Variants in CHCHD6 observed in about 807,000 individuals in gnomAD.
CHCHD6 encodes the protein coiled-coil-helix-coiled-coil-helix domain containing 6.
Under a neutral mutation model 32.3 loss-of-function variants are expected in CHCHD6, and 28 were observed. The observed-to-expected ratio is 0.87, with a 90% CI of 0.64 to 1.19. The LOEUF (loss-of-function observed/expected upper bound fraction) is 1.19. Among genes scored for constraint, CHCHD6 ranks in the 50% most tolerant of loss-of-function variants. CHCHD6 has a pLI of 0.00. For missense variants in CHCHD6, 333 were observed against 307.0 expected, an observed-to-expected ratio of 1.08 and a Z score of -0.63; for synonymous variants, 122 against 117.5, an observed-to-expected ratio of 1.04 and a Z score of -0.25.
intron 5 of CHCHD6, among the ~76,000 whole-genome samples, chr3:126,860,022 T>C (rs1290970718): frequency 2.0e-5 from 3 of 151,884 alleles, no homozygotes; most frequent in Non-Finnish European, 4.4e-5. Context: ...CAGTGAGGGG[T>C]GTGTCTCGTT....
intron 6 of CHCHD6, among the ~76,000 whole-genome samples, chr3:126,919,963 C>CAAAT (rs1336744027): frequency 6.6e-6 from 1 of 151,974 alleles, no homozygotes; most frequent in Non-Finnish European, 1.5e-5. Context: ...ATTATCTCTT[C>CAAAT]AAATAACACT....
At chr3:126,913,248 A>G (rs1194273169) in intron 5 of CHCHD6, among the ~76,000 whole-genome samples, 51 of 53,476 alleles carry the variant, frequency 9.5e-4, no homozygotes, top group Admixed American at 2.0e-3. Context: ...TTTTTTTGGG[A>G]GACGGAGTTT....
At chr3:126,750,349 C>G (rs1936677656) in intron 4 of CHCHD6, among the ~76,000 whole-genome samples, 1 of 152,202 alleles carries the variant, frequency 6.6e-6, no homozygotes, top group African/African-American at 2.4e-5. Flanking sequence ...GTGCATGTCT[C>G]TGTTTGGAAG....
At chr3:126,928,975 A>T (rs1195607582) in intron 6 of CHCHD6, among the ~76,000 whole-genome samples, 1 of 152,242 alleles carries the variant, frequency 6.6e-6, no homozygotes, top group Non-Finnish European at 1.5e-5. Flanking sequence ...TCATCTCTGT[A>T]TAGCCCTGGC....
chr3:126,935,135 A>T (rs2078460798), intron 6 of CHCHD6: 1 of 987,660 alleles, frequency 1.0e-6, no homozygotes, highest in Non-Finnish European at 1.2e-6. Context: ...GTCTCCGGCC[A>T]CCTGGGATGC....
chr3:126,854,695 T>C (rs894740781), intron 5 of CHCHD6, among the ~76,000 whole-genome samples: 1 of 152,226 alleles, frequency 6.6e-6, no homozygotes, highest in South Asian at 2.1e-4. Context: ...CTTTCCTTTT[T>C]CCCCCTATTT....
intron 4 of CHCHD6, among the ~76,000 whole-genome samples, chr3:126,849,064 T>A (rs558181623): frequency 1.1e-4 from 17 of 152,334 alleles, no homozygotes; most frequent in African/African-American, 3.8e-4. Flanking sequence ...CTAGGTTCAT[T>A]TGTGGTCCAG....
chr3:126,764,644 G>A (rs7650515), intron 4 of CHCHD6, among the ~76,000 whole-genome samples: 1 of 152,130 alleles, frequency 6.6e-6, no homozygotes, highest in Non-Finnish European at 1.5e-5. Flanking sequence ...TCCTGCAAAG[G>A]CTAGGACTTC....
At chr3:126,949,121 C>T (rs2107606743) in intron 6 of CHCHD6, 1 of 152,650 alleles carries the variant, frequency 6.6e-6, no homozygotes, top group Admixed American at 6.5e-5. Flanking sequence ...TTCCTTCCCT[C>T]CAATGCTCCT....
intron 6 of CHCHD6, among the ~76,000 whole-genome samples, chr3:126,955,974 A>G (rs964397821): frequency 1.3e-5 from 2 of 152,212 alleles, no homozygotes; most frequent in Non-Finnish European, 2.9e-5. Context: ...AGCAGTGTAC[A>G]GAAGTGTCCA....
At chr3:126,752,196 C>T (rs984943965) in intron 4 of CHCHD6, among the ~76,000 whole-genome samples, 8 of 152,192 alleles carry the variant, frequency 5.3e-5, no homozygotes, top group Admixed American at 2.0e-4. Context: ...AGGCCAGGCT[C>T]TGAGAATGCA....
intron 6 of CHCHD6, among the ~76,000 whole-genome samples, chr3:126,935,821 C>A (rs1251640921): frequency 6.6e-6 from 1 of 152,144 alleles, no homozygotes; most frequent in Non-Finnish European, 1.5e-5. Context: ...TACAGCATAG[C>A]AAATCTCTAA....
chr3:126,807,168 T>G (rs957809597), intron 4 of CHCHD6, among the ~76,000 whole-genome samples: 9 of 151,240 alleles, frequency 6.0e-5, no homozygotes, highest in Non-Finnish European at 1.0e-4. Context: ...CTTCACATTG[T>G]GCACATGTAC....
At chr3:126,784,855 G>T (rs905007117) in intron 4 of CHCHD6, among the ~76,000 whole-genome samples, 37 of 152,076 alleles carry the variant, frequency 2.4e-4, no homozygotes, top group African/African-American at 8.9e-4. Context: ...TATACCAATT[G>T]TCATTCCTTT....
chr3:126,928,888 G>T (rs1224163249), intron 6 of CHCHD6, among the ~76,000 whole-genome samples: 2 of 152,192 alleles, frequency 1.3e-5, no homozygotes, highest in Non-Finnish European at 2.9e-5. Flanking sequence ...GGTCATTCAT[G>T]TGTGGTCACC....
chr3:126,717,441 G>A (rs1415369404), intron 1 of CHCHD6, among the ~76,000 whole-genome samples: 6 of 152,086 alleles, frequency 3.9e-5, no homozygotes, highest in African/African-American at 9.7e-5. Flanking sequence ...TTTTAGTCGC[G>A]AGGTGGCCAT....
At position 126,934,536 on chromosome 3, in the gene CHCHD6, C is replaced by CTTTTTTT. The variant is rs386397861; in HGVS notation, c.566+19810_566+19816dup. On this transcript the variant is annotated intron_variant, in intron 6 of 7. Transcript: ENST00000290913. ...CTTGGAATGCACCCTCCCCTCTCTG[C>CTTTTTTT]TTTTTTTTTTTTTTTTTTTTTTTTT... 1.9e-4 allele frequency among the ~76,000 whole-genome samples: 11 copies of CTTTTTTT among 58,244 alleles called. 1 individual carries two copies. Among genetic ancestry groups the CTTTTTTT allele is most frequent in the African/African-American group, 7.1e-4 (10 of 14,002 alleles). 38.2% of individuals were successfully genotyped at this position (58,244 alleles called of 152,430 possible). A position where few individuals can be genotyped will look rare whatever the true frequency, so the allele number is the denominator to read the frequency against.
intron 4 of CHCHD6, among the ~76,000 whole-genome samples, chr3:126,837,751 T>C (rs1381642298): frequency 2.0e-5 from 3 of 152,194 alleles, no homozygotes; most frequent in Non-Finnish European, 4.4e-5. Context: ...AGATTATGCT[T>C]TTGCCCTGAC....
At chr3:126,810,261 C>T (rs1939601103) in intron 4 of CHCHD6, among the ~76,000 whole-genome samples, 1 of 152,160 alleles carries the variant, frequency 6.6e-6, no homozygotes, top group South Asian at 2.1e-4. Flanking sequence ...TTGAACCATA[C>T]ACATGTTTTG....
Sources: allele counts gnomAD v4.1 joint callset (sites outside exome capture counted in the v4.1 genomes callset), GRCh38; gene constraint gnomAD v4.1.1; transcripts MANE v1.5; gene names NCBI Gene and HGNC (gene_info 2026-07-23, HGNC 2026-07-21).